The following PTPRM variants were observed in gnomAD, a reference collection of about 807,000 sequenced individuals.
PTPRM encodes receptor-type tyrosine-protein phosphatase mu.
In PTPRM, 47 loss-of-function variants were observed where a neutral mutation model predicts 186.7. That is an observed-to-expected ratio of 0.25 (90% CI 0.20 to 0.32). The LOEUF (loss-of-function observed/expected upper bound fraction) is 0.32, where lower values mean the gene tolerates loss of function less well. Ranked by LOEUF, PTPRM falls within the 10% of genes least tolerant of loss-of-function variation. PTPRM has a pLI of 1.00. For synonymous variants in PTPRM, 668 were observed against 674.9 expected (o/e 0.99, Z 0.16); for missense variants, 1,494 against 1,865.0 (o/e 0.80, Z 3.66).
chr18:7,906,248 A>G (rs1488070107), intron 3 of PTPRM, among the ~76,000 whole-genome samples: 1 of 152,098 alleles, frequency 6.6e-6, no homozygotes, highest in Non-Finnish European at 1.5e-5. Flanking sequence ...AACCCCATGA[A>G]GTATCCTTTC....
intron 1 of PTPRM, among the ~76,000 whole-genome samples, chr18:7,592,724 A>C (rs189292719): frequency 6.8e-4 from 103 of 152,080 alleles, no homozygotes; most frequent in African/African-American, 2.3e-3. Flanking sequence ...TGCTATAAAA[A>C]AGGGGTGATG....
chr18:7,849,865 C>T (rs1488739084), intron 2 of PTPRM, among the ~76,000 whole-genome samples: 2 of 152,142 alleles, frequency 1.3e-5, no homozygotes, highest in Non-Finnish European at 2.9e-5. Context: ...TTCCAAACAG[C>T]ATGGTATGTA....
At chr18:7,682,995 G>A (rs1346822042) in intron 1 of PTPRM, among the ~76,000 whole-genome samples, 2 of 151,978 alleles carry the variant, frequency 1.3e-5, no homozygotes, top group Non-Finnish European at 2.9e-5. Context: ...CTTGTTCCTT[G>A]TTTGCTTTTT....
At chr18:7,847,413 C>T (rs1044783383) in intron 2 of PTPRM, among the ~76,000 whole-genome samples, 24 of 152,164 alleles carry the variant, frequency 1.6e-4, no homozygotes, top group East Asian at 5.8e-4. Flanking sequence ...GCAATCCACC[C>T]GCCTCAGCCT....
intron 31 of PTPRM, among the ~76,000 whole-genome samples, chr18:8,391,959 G>A (rs897533524): frequency 2.6e-5 from 4 of 152,104 alleles, no homozygotes; most frequent in African/African-American, 9.7e-5. Context: ...GAGTTAGAAA[G>A]CAGCATATTA....
intron 1 of PTPRM, among the ~76,000 whole-genome samples, chr18:7,651,703 A>C (rs2038709360): frequency 6.6e-6 from 1 of 152,198 alleles, no homozygotes; most frequent in Admixed American, 6.5e-5. Context: ...AGCCATATGT[A>C]GAAAGCTGAA....
chr18:7,873,541 G>A (rs188509683), intron 2 of PTPRM, among the ~76,000 whole-genome samples: 47 of 152,148 alleles, frequency 3.1e-4, no homozygotes, highest in Non-Finnish European at 1.8e-4. Context: ...TAGCAGAGTG[G>A]CTGGCACATA....
rs995385927 is a variant in PTPRM, at chr18:7,695,733, C to T, written c.74-78416C>T. Among the ~76,000 whole-genome samples the T allele has an allele frequency of 5.9e-5, 9 of 152,278 alleles. No homozygotes were observed. In the South Asian group the frequency reaches 1.0e-3, roughly 18 times the overall value. On this transcript the variant is annotated intron_variant, in intron 1 of 32. Coordinates refer to ENST00000580170, the MANE Select transcript of PTPRM (RefSeq NM_001105244.2). The stretch of plus-strand genomic sequence containing the variant: ...TTAGCAGGAAGAGTGGCACTTAGTG[C>T]CAGGCTGCATATTAAGGTAGTTCGA...
At chr18:7,826,973 T>G (rs973417850) in intron 2 of PTPRM, among the ~76,000 whole-genome samples, 5 of 152,070 alleles carry the variant, frequency 3.3e-5, no homozygotes. Flanking sequence ...GTGGTGATAT[T>G]CACCTATAAT....
chr18:8,109,944 A>G (rs1051433896), intron 11 of PTPRM, among the ~76,000 whole-genome samples: 4 of 152,110 alleles, frequency 2.6e-5, no homozygotes, highest in Non-Finnish European at 5.9e-5. Context: ...TTACCATAAA[A>G]CCTTTTCCTT....
intron 14 of PTPRM, among the ~76,000 whole-genome samples, chr18:8,240,647 G>GAGAGAAAGAA (rs2094414088): frequency 2.7e-5 from 1 of 37,244 alleles, no homozygotes. Context: ...GAGAGAGAGA[G>GAGAGAAAGAA]AGAGAGAAAG....
chr18:8,290,639 A>G (rs2095032846), intron 19 of PTPRM, among the ~76,000 whole-genome samples: 1 of 152,162 alleles, frequency 6.6e-6, no homozygotes, highest in African/African-American at 2.4e-5. Context: ...AGAGTACAGC[A>G]TCTTCAAGTG....
At chr18:7,613,409 T>C (rs2037726546) in intron 1 of PTPRM, among the ~76,000 whole-genome samples, 1 of 152,176 alleles carries the variant, frequency 6.6e-6, no homozygotes, top group South Asian at 2.1e-4. Flanking sequence ...GCGCGGTGGC[T>C]CACGCCTGTA....
At chr18:7,708,349 A>T (rs556251649) in intron 1 of PTPRM, among the ~76,000 whole-genome samples, 1 of 152,336 alleles carries the variant, frequency 6.6e-6, no homozygotes, top group Non-Finnish European at 1.5e-5. Flanking sequence ...ATATTAAATT[A>T]TCCTTTTCTA....
At chr18:7,666,674 C>G (rs1309843977) in intron 1 of PTPRM, among the ~76,000 whole-genome samples, 1 of 152,236 alleles carries the variant, frequency 6.6e-6, no homozygotes, top group Non-Finnish European at 1.5e-5. Context: ...ATACAGTCTT[C>G]AGACTAAGGC....
chr18:8,084,825 T>C lies in PTPRM; in HGVS notation c.1552-846T>C, dbSNP rs112618409. 7.0e-3 allele frequency among the ~76,000 whole-genome samples: 1,070 copies of C among 152,300 alleles called. 14 individuals carry two copies. The highest frequency in any genetic ancestry group is 0.024 in the African/African-American group (989 of 41,570). ...GATGAACTACTCATAGTGAAATTCT[T>C]TAAAATATCATTTGAAAGGGTAGGA... is the stretch of plus-strand genomic sequence containing the variant. On this transcript the variant is annotated intron_variant, in intron 9 of 32. Transcript: ENST00000580170.
chr18:7,629,165 A>G (rs1303672392), intron 1 of PTPRM, among the ~76,000 whole-genome samples: 1 of 152,224 alleles, frequency 6.6e-6, no homozygotes, highest in Non-Finnish European at 1.5e-5. Flanking sequence ...GGCAATTGTA[A>G]GATATTATTG....
At chr18:8,190,045 A>G (rs1275294467) in intron 14 of PTPRM, among the ~76,000 whole-genome samples, 1 of 152,192 alleles carries the variant, frequency 6.6e-6, no homozygotes, top group African/African-American at 2.4e-5. Context: ...ATATATATTT[A>G]TGGTGTACAA....
In PTPRM at chr18:8,394,618, C is replaced by T. The variant is rs759685182; in HGVS notation, c.4344+7C>T. 10 of 1,607,906 alleles carry T rather than the reference C, an allele frequency of 6.2e-6. No homozygotes were observed. The highest frequency in any genetic ancestry group is 8.5e-6 in the Non-Finnish European group (10 of 1,176,790). ...CAACATGGTCGACCTCCTGGTAGGACACCCCCTCTGAGCTGTTCCATGAGA... is the reference window on the plus strand; with the variant it reads ...CAACATGGTCGACCTCCTGGTAGGATACCCCCTCTGAGCTGTTCCATGAGA... On this transcript the variant is annotated splice_region_variant and intron_variant, in intron 32 of 32. Coordinates refer to ENST00000580170, the MANE Select transcript of PTPRM (RefSeq NM_001105244.2).
Sources: allele counts gnomAD v4.1 joint callset (sites outside exome capture counted in the v4.1 genomes callset), GRCh38; gene constraint gnomAD v4.1.1; transcripts MANE v1.5; gene names NCBI Gene and HGNC (gene_info 2026-07-23, HGNC 2026-07-21).